The following EIF2AK4 variants were observed in gnomAD, a reference collection of about 807,000 sequenced individuals.
The protein encoded by EIF2AK4 is eIF-2-alpha kinase GCN2.
EIF2AK4 carries 139 observed loss-of-function variants against 211.1 expected under a neutral mutation model. The ratio of observed to expected loss-of-function variants is 0.66; its 90% CI spans 0.57 to 0.76. The LOEUF (loss-of-function observed/expected upper bound fraction) is 0.76, where lower values mean the gene tolerates loss of function less well. EIF2AK4 is among the 30% of genes least tolerant of loss of function. The probability of loss-of-function intolerance (pLI) is 0.00; values close to 1 mark genes in which losing one functional copy is unlikely to be tolerated. For missense variants in EIF2AK4, 1,664 were observed against 2,043.8 expected, an observed-to-expected ratio of 0.81 and a Z score of 3.58; for synonymous variants, 710 against 751.3, an observed-to-expected ratio of 0.94 and a Z score of 0.90.
chr15:39,953,799 A>G, intron 4 of EIF2AK4, 105 bp from the exon 5 acceptor site: 1 of 1,084,926 alleles, frequency 9.2e-7, no homozygotes, highest in Non-Finnish European at 1.3e-6. Context: ...TTAGGAAGAG[A>G]GGGTTTGAAT....
At position 39,939,600 on chromosome 15, in the gene EIF2AK4, A is replaced by C; in HGVS notation, c.240A>C (p.Pro80=). Residue 80 remains proline (P), a synonymous_variant, in exon 2 of 39, where the codon CCA becomes CCC. Transcript: ENST00000263791. ...AAGTGGATTTGAGGGTTAAATGCCC[A>C]CCTACCTATCCAGATGTGTGAGTAC... ...YVKVDLRVKC[P]PTYPDVVPEI... is the part of the protein sequence containing the mutation. The C allele has an allele frequency of 6.2e-7, 1 of 1,611,908 alleles. No homozygotes were observed. Among genetic ancestry groups the C allele is most frequent in the Non-Finnish European group, 8.5e-7 (1 of 1,178,622 alleles).
At chr15:39,998,483 A>G (rs950684906) in intron 19 of EIF2AK4, among the ~76,000 whole-genome samples, 34 of 152,034 alleles carry the variant, frequency 2.2e-4, no homozygotes, top group African/African-American at 8.2e-4. Context: ...TGTGAGGTCA[A>G]AGGTGCAGAC....
chr15:39,961,952 A>T (rs1428811270), intron 7 of EIF2AK4, 53 bp downstream of exon 7: 3 of 1,422,268 alleles, frequency 2.1e-6, no homozygotes, highest in African/African-American at 2.8e-5. Context: ...AAAGTTAATC[A>T]CAAAGGAATG....
rs371624337 is a variant in EIF2AK4 at position 40,008,019 on chromosome 15, C to T, written c.3408-8C>T. ...AATGACCTTAGAAATCTGGGTTTCTCTCTCCAGATACTGCATAGAACGTGT... is the reference window on the plus strand; with the variant it reads ...AATGACCTTAGAAATCTGGGTTTCTTTCTCCAGATACTGCATAGAACGTGT... On this transcript the variant is annotated splice_region_variant and splice_polypyrimidine_tract_variant and intron_variant, in intron 24 of 38. Transcript: ENST00000263791. 9.9e-6 allele frequency: 15 copies of T among 1,520,118 alleles called. No homozygotes were observed. Among genetic ancestry groups the T allele is most frequent in the African/African-American group, 1.4e-5 (1 of 70,958 alleles). The allele number at this position is 1,520,118 out of a possible 1,614,324, so 94.2% of individuals were successfully genotyped here.
Position 39,976,697 on chromosome 15 carries a change from C to T in EIF2AK4, c.2102C>T (p.Pro701Leu). The T allele has an allele frequency of 1.2e-6, 2 of 1,601,072 alleles. No individual in the cohort carries two copies. The highest frequency in any genetic ancestry group is 1.7e-6 in the Non-Finnish European group (2 of 1,177,180). ...CTGGACAGCGTAGAGGCCGCCGCGCCGCCACCCATCCTCAGCAGCTCGGTG... is the reference window on the plus strand; with the variant it reads ...CTGGACAGCGTAGAGGCCGCCGCGCTGCCACCCATCCTCAGCAGCTCGGTG... ...DGLDSVEAAA[P>L]PPILSSSVEW... The change falls in exon 12 of 39, where the codon CCG becomes CTG. Residue 701 changes from proline to leucine, a missense_variant. By Grantham distance (98) the Pro-to-Leu change is moderately conservative. Coordinates refer to ENST00000263791, the MANE Select transcript of EIF2AK4 (RefSeq NM_001013703.4).
chr15:39,940,409 A>T (rs116685949), intron 2 of EIF2AK4, among the ~76,000 whole-genome samples: 2,841 of 152,262 alleles, frequency 0.019, 82 homozygotes, highest in African/African-American at 0.065. Flanking sequence ...GGAAAGGGAC[A>T]AGTAAAAGGA....
At chr15:40,007,156 C>A (rs2035172873) in intron 24 of EIF2AK4, 91 bp downstream of exon 24, 2 of 1,172,800 alleles carry the variant, frequency 1.7e-6, no homozygotes, top group African/African-American at 1.5e-5. Context: ...TTCCTGTGAT[C>A]CTTACACAGT....
chr15:39,992,779 T>C lies in EIF2AK4; in HGVS notation c.2697T>C (p.Thr899=). 1 of 1,614,150 alleles carries C rather than the reference T, an allele frequency of 6.2e-7. No individual in the cohort carries two copies. The highest frequency in any genetic ancestry group is 8.5e-7 in the Non-Finnish European group (1 of 1,179,994). Reference sequence around the variant, plus strand: ...TTTTCCTCCACACAGGTCACTTAACTGGGATGGTTGGCACTGCTCTCTATG... The same window carrying C: ...TTTTCCTCCACACAGGTCACTTAACCGGGATGGTTGGCACTGCTCTCTATG... ...LIKSDPSGHL[T]GMVGTALYVS... The change falls in exon 18 of 39, where the codon ACT becomes ACC. Residue 899 remains threonine, a synonymous_variant. Coordinates refer to ENST00000263791, the MANE Select transcript of EIF2AK4 (RefSeq NM_001013703.4).
At chr15:39,975,133 G>A (rs1566991105) in intron 11 of EIF2AK4, 1 of 152,128 alleles carries the variant, frequency 6.6e-6, no homozygotes, top group East Asian at 1.9e-4. Flanking sequence ...TGTGTGCCAG[G>A]TGATTTACAA....
At position 40,005,342 on chromosome 15, in the gene EIF2AK4, TTTTA is replaced by T. The variant is rs1229326715; in HGVS notation, c.3358-1671_3358-1668del. On this transcript the variant is annotated intron_variant, in intron 23 of 38. Coordinates refer to ENST00000263791, the MANE Select transcript of EIF2AK4 (RefSeq NM_001013703.4). ...TTTCAAAGGAACTCTATTATCCCAT[TTTTA>T]TTATAGAGAAAGAAAAGTTTTTTTA... Among the ~76,000 whole-genome samples the T allele has an allele frequency of 2.8e-4, 43 of 151,962 alleles. 1 individual carries two copies. Among genetic ancestry groups the T allele is most frequent in the Admixed American group, 2.6e-4 (4 of 15,272 alleles).
At chr15:40,034,893 T>C in intron 38 of EIF2AK4, 134 bp from the exon 39 acceptor site, 1 of 620,044 alleles carries the variant, frequency 1.6e-6, no homozygotes, top group Non-Finnish European at 2.7e-6. Flanking sequence ...AAAACCTATA[T>C]AATTTTTTAA....
At chr15:40,025,661 T>G (rs1449670385) in intron 32 of EIF2AK4, among the ~76,000 whole-genome samples, 1 of 152,078 alleles carries the variant, frequency 6.6e-6, no homozygotes, top group East Asian at 1.9e-4. Flanking sequence ...AAAAAAAAAT[T>G]CTATCATCTG....
intron 32 of EIF2AK4, among the ~76,000 whole-genome samples, chr15:40,022,920 A>G (rs1326586906): frequency 1.3e-5 from 2 of 152,096 alleles, no homozygotes; most frequent in Non-Finnish European, 1.5e-5. Context: ...TTTTTAGTGG[A>G]GACGGGGTTT....
chr15:40,011,388 T>C (rs1389552436), intron 27 of EIF2AK4, 42 bp downstream of exon 27: 2 of 1,531,918 alleles, frequency 1.3e-6, no homozygotes, highest in Non-Finnish European at 1.8e-6. Context: ...TTCTCTGTAA[T>C]TTTGTGATAC....
rs546570495 is a variant in EIF2AK4 at position 39,990,449 on chromosome 15, G to A, written c.2631+72G>A. On this transcript the variant is annotated intron_variant, in intron 16 of 38. Transcript: ENST00000263791. ...TCTTGATAATCCTGGAAGTGTTAGC[G>A]GATAGAATAGTGCGTTCACAGAACT... 1.5e-5 allele frequency: 19 copies of A among 1,283,782 alleles called. No individual in the cohort carries two copies. The East Asian group carries it at 2.8e-4, about 19-fold the overall frequency. The allele number at this position is 1,283,782 out of a possible 1,614,324, so 79.5% of individuals were successfully genotyped here.
chr15:40,030,533 A>T, intron 35 of EIF2AK4, 77 bp downstream of exon 35: 1 of 1,389,364 alleles, frequency 7.2e-7, no homozygotes, highest in Non-Finnish European at 9.8e-7. Flanking sequence ...AAGGAAAATA[A>T]GATAAACATG....
At chr15:39,960,891 C>A (rs2034462510) in intron 6 of EIF2AK4, among the ~76,000 whole-genome samples, 3 of 152,114 alleles carry the variant, frequency 2.0e-5, no homozygotes, top group Admixed American at 1.3e-4. Flanking sequence ...ATTCCTCTTG[C>A]CTCGTGTTCT....
chr15:40,002,133 C>T (rs2035101315), intron 21 of EIF2AK4, among the ~76,000 whole-genome samples: 1 of 152,116 alleles, frequency 6.6e-6, no homozygotes, highest in Non-Finnish European at 1.5e-5. Flanking sequence ...AGAGACCAAA[C>T]ACAATTTTTA....
chr15:39,968,457 A>G (rs1327772043), intron 9 of EIF2AK4, among the ~76,000 whole-genome samples: 3 of 152,174 alleles, frequency 2.0e-5, no homozygotes, highest in Non-Finnish European at 4.4e-5. Flanking sequence ...CAGGCCTAAG[A>G]TGTTTGTCCA....
Sources: gnomAD v4.1 joint callset for allele counts (sites outside exome capture counted in the v4.1 genomes callset) on GRCh38, gnomAD v4.1.1 for gene constraint, MANE v1.5 for transcripts, NCBI Gene and HGNC (gene_info 2026-07-23, HGNC 2026-07-21) for gene names.